The following CDIN1 variants were observed in gnomAD, a reference collection of about 807,000 sequenced individuals.
CDIN1 encodes the protein CDAN1-interacting nuclease 1.
CDIN1 carries 33 observed loss-of-function variants against 45.3 expected under a neutral mutation model. That is an observed-to-expected ratio of 0.73 (90% CI 0.55 to 0.97). The LOEUF is 0.97. CDIN1 is among the 50% of genes least tolerant of loss of function. CDIN1 has a pLI of 0.00. For synonymous variants in CDIN1, 118 were observed against 124.4 expected (o/e 0.95, Z 0.34); for missense variants, 303 against 339.4 (o/e 0.89, Z 0.84).
In CDIN1 at chr15:36,757,934, C is replaced by A. The variant is rs555431842; in HGVS notation, c.716+47973C>A. On this transcript the variant is annotated intron_variant, in intron 10 of 10. Coordinates refer to ENST00000566621, the MANE Select transcript of CDIN1 (RefSeq NM_001321759.2). Reference sequence around the variant, plus strand: ...AGAGAGAGAGACCACATTCATGTAACTTTTATTATAGTATATTGTCATAAT... The same window carrying A: ...AGAGAGAGAGACCACATTCATGTAAATTTTATTATAGTATATTGTCATAAT... Among the ~76,000 whole-genome samples the A allele has an allele frequency of 2.0e-5, 3 of 152,158 alleles. 1 individual carries two copies. The highest frequency in any genetic ancestry group is 7.2e-5 in the African/African-American group (3 of 41,530).
At chr15:36,760,447 G>A (rs970880347) in intron 10 of CDIN1, among the ~76,000 whole-genome samples, 9 of 152,142 alleles carry the variant, frequency 5.9e-5, no homozygotes, top group African/African-American at 1.9e-4. Context: ...CAGTTGTCTA[G>A]TAACCTAAAA....
At chr15:36,591,364 A>G (rs2037564302) in intron 1 of CDIN1, among the ~76,000 whole-genome samples, 1 of 152,128 alleles carries the variant, frequency 6.6e-6, no homozygotes, top group Non-Finnish European at 1.5e-5. Context: ...ATTAACTTAC[A>G]CTTCGAGCCC....
intron 10 of CDIN1, among the ~76,000 whole-genome samples, chr15:36,769,330 T>G (rs2054006527): frequency 6.6e-6 from 1 of 152,136 alleles, no homozygotes; most frequent in Non-Finnish European, 1.5e-5. Context: ...AGGCAGGAAT[T>G]GCTAATATGT....
chr15:36,783,266 G>A (rs1261115693), intron 10 of CDIN1, among the ~76,000 whole-genome samples: 2 of 152,024 alleles, frequency 1.3e-5, no homozygotes, highest in Non-Finnish European at 2.9e-5. Context: ...TGATTAAGGC[G>A]GTCCCAGCCG....
intron 4 of CDIN1, among the ~76,000 whole-genome samples, chr15:36,657,570 G>A (rs1202362498): frequency 6.6e-6 from 1 of 152,058 alleles, no homozygotes; most frequent in East Asian, 1.9e-4. Context: ...TGTTTTAGAC[G>A]AATGCTTTTT....
chr15:36,598,350 A>C (rs1227554162), intron 1 of CDIN1, among the ~76,000 whole-genome samples: 1 of 149,624 alleles, frequency 6.7e-6, no homozygotes, highest in East Asian at 2.0e-4. Flanking sequence ...CTACATTTTA[A>C]ACAAAATAGT....
In CDIN1 at chr15:36,628,220, C is replaced by A. The variant is rs147464674; in HGVS notation, c.102-16058C>A. On this transcript the variant is annotated intron_variant, in intron 1 of 10. Transcript: ENST00000566621. ...GTTAGCCCTTTTGTGGTCAGTTTTT[C>A]CCCCCTGCCCTGGAGCCTAAGGATC... Among the ~76,000 whole-genome samples the A allele has an allele frequency of 2.8e-3, 424 of 152,112 alleles. 1 individual carries two copies. The highest frequency in any genetic ancestry group is 3.5e-3 in the Non-Finnish European group (235 of 67,978).
At chr15:36,714,708 T>C (rs974004069) in intron 10 of CDIN1, among the ~76,000 whole-genome samples, 5 of 152,084 alleles carry the variant, frequency 3.3e-5, no homozygotes, top group African/African-American at 4.8e-5. Flanking sequence ...GTCAAGCACA[T>C]GCCCAGCCTG....
intron 10 of CDIN1, among the ~76,000 whole-genome samples, chr15:36,720,239 TTTATTTA>T (rs2043360026): frequency 8.9e-6 from 1 of 112,344 alleles, no homozygotes. Context: ...AAACATTTTA[TTTATTTA>T]TTATTTATTA....
intron 1 of CDIN1, among the ~76,000 whole-genome samples, chr15:36,620,300 G>A (rs1020191378): frequency 6.6e-6 from 1 of 152,018 alleles, no homozygotes; most frequent in African/African-American, 2.4e-5. Context: ...GCAGTGAGCC[G>A]AGATGGCGCC....
At chr15:36,626,051 CTG>C (rs1163199123) in intron 1 of CDIN1, among the ~76,000 whole-genome samples, 4 of 151,612 alleles carry the variant, frequency 2.6e-5, no homozygotes, top group African/African-American at 4.8e-5. Flanking sequence ...GGGTACATCT[CTG>C]TTATTGTCAT....
chr15:36,586,022 A>G (rs1215667653), intron 1 of CDIN1, among the ~76,000 whole-genome samples: 3 of 152,112 alleles, frequency 2.0e-5, no homozygotes, highest in Non-Finnish European at 2.9e-5. Flanking sequence ...TATGTGCTCA[A>G]CCCATACTCA....
chr15:36,682,227 G>A (rs1228317063), intron 5 of CDIN1, among the ~76,000 whole-genome samples: 1 of 152,140 alleles, frequency 6.6e-6, no homozygotes, highest in African/African-American at 2.4e-5. Flanking sequence ...GCCAGTGGTT[G>A]TAGTTCCAGT....
chr15:36,724,652 T>C (rs926455762), intron 10 of CDIN1, among the ~76,000 whole-genome samples: 58 of 152,026 alleles, frequency 3.8e-4, no homozygotes, highest in African/African-American at 1.2e-3. Context: ...AGGGAGAGAA[T>C]AGAAAAATGC....
At chr15:36,678,528 G>A (rs916626015) in intron 5 of CDIN1, among the ~76,000 whole-genome samples, 5 of 152,178 alleles carry the variant, frequency 3.3e-5, no homozygotes, top group Non-Finnish European at 7.4e-5. Context: ...TGCAGAGTCT[G>A]TTTGTGTGTG....
At chr15:36,763,189 CTGGTGTGAGA>C (rs2053820719) in intron 10 of CDIN1, among the ~76,000 whole-genome samples, 1 of 152,172 alleles carries the variant, frequency 6.6e-6, no homozygotes, top group South Asian at 2.1e-4. Flanking sequence ...GCCATTCTAA[CTGGTGTGAGA>C]TGGTATCTCG....
intron 10 of CDIN1, among the ~76,000 whole-genome samples, chr15:36,768,794 A>T (rs998334452): frequency 5.3e-5 from 8 of 152,122 alleles, no homozygotes; most frequent in African/African-American, 1.9e-4. Flanking sequence ...GGAAGCAGGA[A>T]AAAGCAAAGA....
intron 3 of CDIN1, among the ~76,000 whole-genome samples, chr15:36,649,273 A>G (rs908533317): frequency 1.3e-5 from 2 of 152,188 alleles, no homozygotes; most frequent in African/African-American, 4.8e-5. Flanking sequence ...TCTTTGGGGT[A>G]GGGCTACACA....
chr15:36,745,557 A>G (rs563457727), intron 10 of CDIN1, among the ~76,000 whole-genome samples: 1 of 152,316 alleles, frequency 6.6e-6, no homozygotes, highest in East Asian at 1.9e-4. Flanking sequence ...ATATTATTAT[A>G]TTATTGATAT....
Sources: gnomAD v4.1 joint callset for allele counts (sites outside exome capture counted in the v4.1 genomes callset) on GRCh38, gnomAD v4.1.1 for gene constraint, MANE v1.5 for transcripts, NCBI Gene and HGNC (gene_info 2026-07-23, HGNC 2026-07-21) for gene names.